LDLRAD4: variants seen among roughly 807,000 people sequenced by gnomAD.
The protein encoded by LDLRAD4 is low density lipoprotein receptor class A domain containing 4, also known as low-density lipoprotein receptor class A domain-containing protein 4.
LDLRAD4 carries 5 observed loss-of-function variants against 17.0 expected under a neutral mutation model. The observed-to-expected ratio is 0.29, with a 90% CI of 0.15 to 0.62. LDLRAD4 has a LOEUF of 0.62. Among genes scored for constraint, LDLRAD4 ranks in the 20% least tolerant of loss-of-function variants. The probability of loss-of-function intolerance (pLI) is 0.84; values close to 1 mark genes in which losing one functional copy is unlikely to be tolerated. For synonymous variants in LDLRAD4, 168 were observed against 171.8 expected, an observed-to-expected ratio of 0.98 and a Z score of 0.17; for missense variants, 340 against 424.7, an observed-to-expected ratio of 0.80 and a Z score of 1.75.
At chr18:13,583,666 C>A (rs534513420) in intron 3 of LDLRAD4, among the ~76,000 whole-genome samples, 2 of 152,152 alleles carry the variant, frequency 1.3e-5, no homozygotes, top group Non-Finnish European at 2.9e-5. Context: ...AAAAGAGGCT[C>A]GGTGGCTTGA....
intron 3 of LDLRAD4, among the ~76,000 whole-genome samples, chr18:13,475,658 G>T (rs1394395201): frequency 6.6e-6 from 1 of 152,150 alleles, no homozygotes; most frequent in Non-Finnish European, 1.5e-5. Flanking sequence ...TAAAACACAA[G>T]AAATCTTGTG....
intron 3 of LDLRAD4, among the ~76,000 whole-genome samples, chr18:13,497,782 T>G (rs571960692): frequency 1.8e-4 from 28 of 152,344 alleles, no homozygotes; most frequent in Admixed American, 1.7e-3. Context: ...AGAAACACTT[T>G]GTTAGCTGGG....
At chr18:13,599,952 A>G (rs2095141886) in intron 3 of LDLRAD4, among the ~76,000 whole-genome samples, 1 of 152,224 alleles carries the variant, frequency 6.6e-6, no homozygotes, top group South Asian at 2.1e-4. Flanking sequence ...TTCTATAAAT[A>G]ACATTAAAGA....
intron 4 of LDLRAD4, among the ~76,000 whole-genome samples, chr18:13,624,486 G>A (rs144121001): frequency 2.4e-4 from 37 of 152,340 alleles, no homozygotes; most frequent in Middle Eastern, 3.4e-3. Flanking sequence ...GTCCCCTGGC[G>A]GAGGCCAAGA....
At chr18:13,268,449 C>T (rs1272864557) in intron 1 of LDLRAD4, among the ~76,000 whole-genome samples, 1 of 152,110 alleles carries the variant, frequency 6.6e-6, no homozygotes, top group Non-Finnish European at 1.5e-5. Context: ...ATGCAAAATG[C>T]TGTGCCTTCA....
chr18:13,361,710 G>A (rs1260282702), intron 1 of LDLRAD4, among the ~76,000 whole-genome samples: 1 of 152,190 alleles, frequency 6.6e-6, no homozygotes, highest in Non-Finnish European at 1.5e-5. Flanking sequence ...GCTGACAGCT[G>A]AGAAGGGACA....
chr18:13,508,730 A>G (rs2093733089), intron 3 of LDLRAD4, among the ~76,000 whole-genome samples: 1 of 152,226 alleles, frequency 6.6e-6, no homozygotes. Flanking sequence ...CTGCTCATTA[A>G]TAATGCACCT....
intron 3 of LDLRAD4, among the ~76,000 whole-genome samples, chr18:13,462,897 C>T (rs1346152513): frequency 1.3e-5 from 2 of 152,172 alleles, no homozygotes; most frequent in Non-Finnish European, 2.9e-5. Context: ...AGTATACTCT[C>T]ACGCGGAGAT....
rs145026724 is a variant in LDLRAD4, at chr18:13,422,316, C to T, written c.41-15928C>T. Among the ~76,000 whole-genome samples the T allele has an allele frequency of 5.1e-4, 78 of 152,202 alleles. No individual in the cohort carries two copies. In the East Asian group the frequency reaches 7.5e-3, roughly 15 times the overall value. On this transcript the variant is annotated intron_variant, in intron 2 of 5. Transcript: ENST00000359446. ...GTGATGTGAGCTTCAGCCCCAAATCCGGAGAAATACTCTGTCTAGCCTAAA... is the reference window on the plus strand; with the variant it reads ...GTGATGTGAGCTTCAGCCCCAAATCTGGAGAAATACTCTGTCTAGCCTAAA...
intron 1 of LDLRAD4, among the ~76,000 whole-genome samples, chr18:13,295,798 A>G (rs2046239946): frequency 6.6e-6 from 1 of 152,206 alleles, no homozygotes; most frequent in Admixed American, 6.5e-5. Context: ...ATAAACCATC[A>G]TGTATATATT....
At chr18:13,563,186 G>T (rs775910717) in intron 3 of LDLRAD4, among the ~76,000 whole-genome samples, 8 of 152,172 alleles carry the variant, frequency 5.3e-5, no homozygotes, top group Non-Finnish European at 1.2e-4. Flanking sequence ...AGGCATCTTT[G>T]TTTTAGGGAT....
chr18:13,291,006 G>A (rs1010103352), intron 1 of LDLRAD4, among the ~76,000 whole-genome samples: 1 of 152,192 alleles, frequency 6.6e-6, no homozygotes, highest in Admixed American at 6.5e-5. Context: ...ATTTCCTGGG[G>A]CTAACTAAAC....
chr18:13,381,322 C>G lies in LDLRAD4; in HGVS notation c.-382-6019C>G, dbSNP rs536815589. 1.4e-4 allele frequency among the ~76,000 whole-genome samples: 21 copies of G among 152,326 alleles called. No individual in the cohort carries two copies. The South Asian group carries it at 4.3e-3, about 32-fold the overall frequency. On this transcript the variant is annotated intron_variant, in intron 1 of 5. Transcript: ENST00000359446. ...GGCTCAAGCAATCCTCCTGCCACAG[C>G]CTCCCAAAGCACTGGGGTTACAGGC...
At chr18:13,490,778 G>A (rs993243379) in intron 3 of LDLRAD4, 1 of 152,204 alleles carries the variant, frequency 6.6e-6, no homozygotes, top group East Asian at 1.9e-4. Flanking sequence ...TTAAAAGCAT[G>A]CAGCATGGCC....
chr18:13,348,825 T>A (rs538523251), intron 1 of LDLRAD4, among the ~76,000 whole-genome samples: 4 of 152,258 alleles, frequency 2.6e-5, no homozygotes, highest in African/African-American at 9.6e-5. Flanking sequence ...CTCAGACTGC[T>A]GTGCTAGCAA....
intron 2 of LDLRAD4, among the ~76,000 whole-genome samples, chr18:13,419,248 C>T (rs1016746222): frequency 2.0e-5 from 3 of 152,006 alleles, no homozygotes; most frequent in Non-Finnish European, 2.9e-5. Flanking sequence ...GAGGTATGCT[C>T]GTTAATGTTA....
At chr18:13,601,954 C>T (rs767551973) in intron 3 of LDLRAD4, among the ~76,000 whole-genome samples, 3 of 152,196 alleles carry the variant, frequency 2.0e-5, no homozygotes, top group Non-Finnish European at 4.4e-5. Flanking sequence ...GGTACATATG[C>T]ACCATGAAGT....
chr18:13,382,469 C>T (rs1331064536), intron 1 of LDLRAD4: 1 of 152,082 alleles, frequency 6.6e-6, no homozygotes, highest in Non-Finnish European at 1.5e-5. Context: ...GGTGTTTTTC[C>T]ATTTGACGTG....
chr18:13,379,007 GC>G (rs1213234920), intron 1 of LDLRAD4, among the ~76,000 whole-genome samples: 4 of 152,144 alleles, frequency 2.6e-5, no homozygotes, highest in African/African-American at 9.6e-5. Flanking sequence ...AACTTCTCCA[GC>G]CCTCATTAGA....
Sources: allele counts gnomAD v4.1 joint callset (sites outside exome capture counted in the v4.1 genomes callset), GRCh38; gene constraint gnomAD v4.1.1; transcripts MANE v1.5; gene names NCBI Gene and HGNC (gene_info 2026-07-23, HGNC 2026-07-21).